ST3GAL2: variants seen among roughly 807,000 people sequenced by gnomAD.
ST3GAL2 encodes CMP-N-acetylneuraminate-beta-galactosamide-alpha-2,3-sialyltransferase 2.
ST3GAL2 carries 16 observed loss-of-function variants against 37.5 expected under a neutral mutation model. That is an observed-to-expected ratio of 0.43 (90% CI 0.29 to 0.65). The LOEUF (loss-of-function observed/expected upper bound fraction) is 0.65. Ranked by LOEUF, ST3GAL2 falls within the 30% of genes least tolerant of loss-of-function variation. The pLI is 0.17. For synonymous variants in ST3GAL2, 238 were observed against 202.9 expected, an observed-to-expected ratio of 1.17 and a Z score of -1.47; for missense variants, 383 against 487.8, an observed-to-expected ratio of 0.79 and a Z score of 2.02.
intron 4 of ST3GAL2, among the ~76,000 whole-genome samples, chr16:70,387,187 C>T (rs936511442): frequency 2.6e-5 from 4 of 152,084 alleles, no homozygotes; most frequent in South Asian, 2.1e-4. Context: ...ACCTGGGAGG[C>T]GGAGGTTACA....
chr16:70,424,971 T>C (rs774778727), intron 1 of ST3GAL2, among the ~76,000 whole-genome samples: 7 of 152,176 alleles, frequency 4.6e-5, no homozygotes, highest in Non-Finnish European at 7.3e-5. Context: ...GGTGCCCTTA[T>C]TGGCCAAGCC....
At chr16:70,414,050 T>G (rs1474582647) in intron 1 of ST3GAL2, among the ~76,000 whole-genome samples, 3 of 152,204 alleles carry the variant, frequency 2.0e-5, no homozygotes, top group Admixed American at 6.6e-5. Flanking sequence ...GAGGCGTACA[T>G]GAATATATTT....
In ST3GAL2 at chr16:70,380,282, T is replaced by C. The variant is rs78381655; in HGVS notation, c.*1407A>G. 0.012 allele frequency: 1,758 copies of C among 151,004 alleles called. 15 individuals are homozygous for C. Among genetic ancestry groups the C allele is most frequent in the Non-Finnish European group, 0.018 (1,196 of 67,750 alleles). 9.4% of individuals were successfully genotyped at this position (151,004 alleles called of 1,614,324 possible). A position where few individuals can be genotyped will look rare whatever the true frequency, so the allele number is the denominator to read the frequency against. On this transcript the variant is annotated 3_prime_UTR_variant, in exon 7 of 7. Coordinates refer to ENST00000342907, the MANE Select transcript of ST3GAL2 (RefSeq NM_006927.4). ...CCTAACAAAGTCCCCTGCCGGTCCCTGTTCCCTCAGCCAGCTGCAGGAACC... is the reference window on the plus strand; with the variant it reads ...CCTAACAAAGTCCCCTGCCGGTCCCCGTTCCCTCAGCCAGCTGCAGGAACC...
intron 1 of ST3GAL2, among the ~76,000 whole-genome samples, chr16:70,415,110 G>A (rs1002826810): frequency 5.3e-5 from 8 of 152,086 alleles, no homozygotes; most frequent in South Asian, 2.1e-4. Context: ...TCCTTACCTC[G>A]TGATCCACCT....
chr16:70,408,122 G>A (rs2047606275), intron 1 of ST3GAL2, among the ~76,000 whole-genome samples: 1 of 152,106 alleles, frequency 6.6e-6, no homozygotes, highest in Non-Finnish European at 1.5e-5. Flanking sequence ...CATTTTCGGG[G>A]GATAGCCTCT....
At chr16:70,435,820 A>AAAATG (rs1162341884) in intron 1 of ST3GAL2, among the ~76,000 whole-genome samples, 1 of 150,874 alleles carries the variant, frequency 6.6e-6, no homozygotes, top group Non-Finnish European at 1.5e-5. Context: ...AAAATAAAAT[A>AAAATG]AAATAAAATA....
chr16:70,398,831 G>C lies in ST3GAL2; in HGVS notation c.-301C>G. On this transcript the variant is annotated 5_prime_UTR_variant, in exon 2 of 7. Coordinates refer to ENST00000342907, the MANE Select transcript of ST3GAL2 (RefSeq NM_006927.4). ...TGCCTCTCCTGCCACCCTGGTGAGG[G>C]GGAGGTCAGTCCATTGCAGCCCTCT... The C allele has an allele frequency of 1.8e-6, 1 of 563,654 alleles. No individual in the cohort carries two copies. Among genetic ancestry groups the C allele is most frequent in the Admixed American group, 3.2e-5 (1 of 31,714 alleles). 34.9% of individuals were successfully genotyped at this position (563,654 alleles called of 1,614,324 possible).
chr16:70,406,381 G>A (rs898245614), intron 1 of ST3GAL2, among the ~76,000 whole-genome samples: 3 of 151,990 alleles, frequency 2.0e-5, no homozygotes, highest in African/African-American at 7.2e-5. Flanking sequence ...TGGTGGCAGA[G>A]GCACCTGTAG....
At chr16:70,421,277 G>C (rs578259350) in intron 1 of ST3GAL2, among the ~76,000 whole-genome samples, 1 of 152,248 alleles carries the variant, frequency 6.6e-6, no homozygotes, top group Non-Finnish European at 1.5e-5. Flanking sequence ...CCTCTGGAAA[G>C]TGGCAATATC....
Position 70,425,925 on chromosome 16 carries a change from C to A in ST3GAL2, c.-1004+13024G>T, listed in dbSNP as rs1030477348. On this transcript the variant is annotated intron_variant, in intron 1 of 6. Coordinates refer to ENST00000342907, the MANE Select transcript of ST3GAL2 (RefSeq NM_006927.4). ...TTCTCCAGCCAGGGAACTGCCCAGA[C>A]GTGCGGATGGTGAGGGAGGCCCTGA... 2.0e-5 allele frequency among the ~76,000 whole-genome samples: 3 copies of A among 152,278 alleles called. No individual in the cohort carries two copies. In the South Asian group the frequency reaches 6.2e-4, roughly 32 times the overall value.
intron 3 of ST3GAL2, among the ~76,000 whole-genome samples, chr16:70,389,782 T>TTTTG (rs762758013): frequency 3.4e-5 from 5 of 146,890 alleles, no homozygotes; most frequent in Admixed American, 1.4e-4. Flanking sequence ...TGTTTGGGTT[T>TTTTG]TTTGTTTGTT....
intron 1 of ST3GAL2, among the ~76,000 whole-genome samples, chr16:70,404,865 C>T (rs550433343): frequency 6.6e-6 from 1 of 152,024 alleles, no homozygotes; most frequent in African/African-American, 2.4e-5. Context: ...AACCCCATCT[C>T]TGTTAAAAAT....
chr16:70,381,518 C>G lies in ST3GAL2; in HGVS notation c.*171G>C, dbSNP rs537706980. Reference sequence around the variant, plus strand: ...GGGAGAAACAGAAGCTCCGCCCGACCGCAGCGCAGATTGGTGCCAGGCCCG... The same window carrying G: ...GGGAGAAACAGAAGCTCCGCCCGACGGCAGCGCAGATTGGTGCCAGGCCCG... On this transcript the variant is annotated 3_prime_UTR_variant, in exon 7 of 7. Coordinates refer to ENST00000342907, the MANE Select transcript of ST3GAL2 (RefSeq NM_006927.4). The G allele has an allele frequency of 1.3e-6, 1 of 746,844 alleles. No homozygotes were observed. Among genetic ancestry groups the G allele is most frequent in the Non-Finnish European group, 2.1e-6 (1 of 473,672 alleles). 46.3% of individuals were successfully genotyped at this position (746,844 alleles called of 1,614,324 possible). A position where few individuals can be genotyped will look rare whatever the true frequency, so the allele number is the denominator to read the frequency against.
At chr16:70,427,035 G>A (rs532450453) in intron 1 of ST3GAL2, among the ~76,000 whole-genome samples, 5 of 151,976 alleles carry the variant, frequency 3.3e-5, no homozygotes, top group South Asian at 2.1e-4. Flanking sequence ...ACTTTTTACC[G>A]ACATGGTCTC....
At chr16:70,399,556 T>C in intron 1 of ST3GAL2, 23 bp from the exon 2 acceptor site, 1 of 397,278 alleles carries the variant, frequency 2.5e-6, no homozygotes, top group East Asian at 3.6e-5. Context: ...AGAGGAGAAA[T>C]AATGTGCGGA....
intron 1 of ST3GAL2, among the ~76,000 whole-genome samples, chr16:70,432,715 G>C (rs779175131): frequency 2.8e-4 from 42 of 152,214 alleles, no homozygotes; most frequent in Middle Eastern, 3.4e-3. Context: ...AGCTGAATGA[G>C]GACTTATCAT....
Position 70,398,507 on chromosome 16 carries a change from CCA to C in ST3GAL2, c.22_23del (p.Trp8ValfsTer78). On this transcript the variant is annotated frameshift_variant, in exon 2 of 7. Coordinates refer to ENST00000342907, the MANE Select transcript of ST3GAL2 (RefSeq NM_006927.4). LOFTEE classifies it high-confidence loss of function. MKCSLRV[W>X]FLSVAFLLVF... ...CCAGCAGGAAGGCCACGGAGAGGAA[CCA>C]CACCCGCAGGGAGCACTTCATGGTG... 6.2e-7 allele frequency: 1 copy of C among 1,610,718 alleles called. No homozygotes were observed.
intron 1 of ST3GAL2, among the ~76,000 whole-genome samples, chr16:70,428,287 G>T (rs921359911): frequency 6.6e-6 from 1 of 152,350 alleles, no homozygotes; most frequent in South Asian, 2.1e-4. Flanking sequence ...CAGGGGCTGT[G>T]TATTTCAGGA....
At chr16:70,437,415 T>C (rs948081966) in intron 1 of ST3GAL2, among the ~76,000 whole-genome samples, 6 of 151,764 alleles carry the variant, frequency 4.0e-5, no homozygotes, top group African/African-American at 1.5e-4. Flanking sequence ...ACATAACTCC[T>C]AGAGCCTCCT....
Sources: allele counts gnomAD v4.1 joint callset (sites outside exome capture counted in the v4.1 genomes callset), GRCh38; gene constraint gnomAD v4.1.1; transcripts MANE v1.5; gene names NCBI Gene and HGNC (gene_info 2026-07-23, HGNC 2026-07-21).